The following JADE2 variants were observed in gnomAD, a reference collection of about 807,000 sequenced individuals.
JADE2 encodes E3 ubiquitin-protein ligase Jade-2.
In JADE2, 13 loss-of-function variants were observed where a neutral mutation model predicts 85.7. That is an observed-to-expected ratio of 0.15 (90% CI 0.10 to 0.24). The LOEUF (loss-of-function observed/expected upper bound fraction) is 0.24. Ranked by LOEUF, JADE2 falls within the 10% of genes least tolerant of loss-of-function variation. The probability of loss-of-function intolerance (pLI) is 1.00; values close to 1 mark genes in which losing one functional copy is unlikely to be tolerated. For synonymous variants in JADE2, 440 were observed against 456.1 expected, an observed-to-expected ratio of 0.96 and a Z score of 0.45; for missense variants, 846 against 1,115.9, an observed-to-expected ratio of 0.76 and a Z score of 3.45.
chr5:134,563,314 T>TG (rs749834913), intron 7 of JADE2, among the ~76,000 whole-genome samples: 10 of 140,260 alleles, frequency 7.1e-5, no homozygotes, highest in Admixed American at 1.4e-4. Context: ...TGAGACTGTT[T>TG]AAAAAAAAAA....
At position 134,579,428 on chromosome 5, in the gene JADE2, C is replaced by A; in HGVS notation, c.*111C>A. The stretch of plus-strand genomic sequence containing the variant: ...GAGTGTCCCAGACCCTCGAGGCTGC[C>A]ACTCCGTCGTGGTTTTATTTTTAAT... On this transcript the variant is annotated 3_prime_UTR_variant, in exon 12 of 12. Transcript: ENST00000681547. The surrounding 1 kb of genome is among the most constrained non-coding windows in gnomAD (Gnocchi z 4.6). 1.2e-6 allele frequency: 1 copy of A among 803,070 alleles called. No homozygotes were observed. The highest frequency in any genetic ancestry group is 1.9e-6 in the Non-Finnish European group (1 of 522,080). The allele number at this position is 803,070 out of a possible 1,614,324, so 49.7% of individuals were successfully genotyped here. A position where few individuals can be genotyped will look rare whatever the true frequency, so the allele number is the denominator to read the frequency against.
chr5:134,566,571 C>T lies in JADE2; in HGVS notation c.1425C>T (p.Asp475=). 2 of 1,556,266 alleles carry T rather than the reference C, an allele frequency of 1.3e-6. No homozygotes were observed. Among genetic ancestry groups the T allele is most frequent in the Non-Finnish European group, 1.7e-6 (2 of 1,149,238 alleles). The change falls in exon 9 of 12, where the codon GAC becomes GAT. Residue 475 remains aspartate, a synonymous_variant. Transcript: ENST00000681547. The surrounding 1 kb of genome is among the most constrained non-coding windows in gnomAD (Gnocchi z 6.7). The part of the protein sequence containing the change: ...RLKLFTHLRQ[D]LERVRNLCYM... The stretch of plus-strand genomic sequence containing the variant: ...AGCTCTTCACCCATCTGCGGCAGGA[C>T]CTAGAGAGGGTGAGTCCCCATGCCG...
intron 1 of JADE2, among the ~76,000 whole-genome samples, chr5:134,527,369 T>A (rs1361382554): frequency 6.6e-6 from 1 of 151,368 alleles, no homozygotes; most frequent in Non-Finnish European, 1.5e-5. Context: ...ACGAGAGGGG[T>A]CAACTTGGCG....
rs1399930250 is a variant in JADE2, at chr5:134,580,624, C to T, written c.*1307C>T. On this transcript the variant is annotated 3_prime_UTR_variant, in exon 12 of 12. Coordinates refer to ENST00000681547, the MANE Select transcript of JADE2 (RefSeq NM_001388185.1). ...GGGTCACTTCCACCACTGGTAAAGC[C>T]AGAACTTCTCCAAAAAGAACCTTGC... 6.6e-6 allele frequency: 1 copy of T among 152,138 alleles called. No individual in the cohort carries two copies. Among genetic ancestry groups the T allele is most frequent in the African/African-American group, 2.4e-5 (1 of 41,320 alleles). The allele number at this position is 152,138 out of a possible 1,614,324, so 9.4% of individuals were successfully genotyped here.
chr5:134,524,366 G>A (rs1760684568), upstream of JADE2: 1 of 152,526 alleles, frequency 6.6e-6, no homozygotes, highest in South Asian at 2.1e-4. Flanking sequence ...CCGCCCGCCT[G>A]GCGAGCGCAG....
In JADE2 at chr5:134,582,096, C is replaced by A. The variant is rs1764740303; in HGVS notation, c.*2779C>A. The stretch of plus-strand genomic sequence containing the variant: ...CAGGGAAGGAGAAGCTGCTCTGTAA[C>A]TCATTCTGGCTATCGTCCCCCTTCT... On this transcript the variant is annotated 3_prime_UTR_variant, in exon 12 of 12. Transcript: ENST00000681547. 1 of 152,262 alleles carries A rather than the reference C, an allele frequency of 6.6e-6. No homozygotes were observed. The highest frequency in any genetic ancestry group is 6.5e-5 in the Admixed American group (1 of 15,282). The allele number at this position is 152,262 out of a possible 1,614,324, so 9.4% of individuals were successfully genotyped here. A position where few individuals can be genotyped will look rare whatever the true frequency, so the allele number is the denominator to read the frequency against.
rs1288941836 is a variant in JADE2 at position 134,525,997 on chromosome 5, G to A, written c.-15G>A. 1.3e-5 allele frequency: 13 copies of A among 985,408 alleles called. No individual in the cohort carries two copies. The highest frequency in any genetic ancestry group is 1.7e-5 in the African/African-American group (1 of 57,224). The allele number at this position is 985,408 out of a possible 1,614,324, so 61.0% of individuals were successfully genotyped here. ...GCCGAGGGCAGCGCCCGTCAGGGGGGCACCGCGGAGCAAGGTAAGATCCAG... is the reference window on the plus strand; with the variant it reads ...GCCGAGGGCAGCGCCCGTCAGGGGGACACCGCGGAGCAAGGTAAGATCCAG... On this transcript the variant is annotated 5_prime_UTR_variant, in exon 1 of 12. Coordinates refer to ENST00000681547, the MANE Select transcript of JADE2 (RefSeq NM_001388185.1).
chr5:134,539,523 T>C (rs1581406720), intron 3 of JADE2, among the ~76,000 whole-genome samples: 1 of 152,226 alleles, frequency 6.6e-6, no homozygotes, highest in Non-Finnish European at 1.5e-5. Flanking sequence ...AGTAGGACAC[T>C]GTACTACAGC....
At chr5:134,527,153 C>CCCCGG (rs1760897251) in intron 1 of JADE2, among the ~76,000 whole-genome samples, 1 of 148,872 alleles carries the variant, frequency 6.7e-6, no homozygotes, top group African/African-American at 2.5e-5. Context: ...TTTGCCGGAT[C>CCCCGG]CCCGGCCCCG....
chr5:134,539,172 C>T (rs1761803112), intron 3 of JADE2, among the ~76,000 whole-genome samples: 1 of 151,976 alleles, frequency 6.6e-6, no homozygotes, highest in South Asian at 2.1e-4. Flanking sequence ...CGCCATTCTC[C>T]TGCCTCAGCC....
chr5:134,524,310 G>C (rs1240827477), upstream of JADE2: 1 of 152,306 alleles, frequency 6.6e-6, no homozygotes, highest in Non-Finnish European at 1.5e-5. Flanking sequence ...CGCGGCTCCG[G>C]GAACAGACCC....
At chr5:134,576,287 T>C (rs1764360948) in intron 10 of JADE2, among the ~76,000 whole-genome samples, 1 of 151,966 alleles carries the variant, frequency 6.6e-6, no homozygotes, top group Non-Finnish European at 1.5e-5. Flanking sequence ...CCCATCTAGT[T>C]TGCTGCCTGA....
intron 6 of JADE2, 75 bp downstream of exon 6, chr5:134,561,032 C>T (rs1314941881): frequency 3.1e-6 from 4 of 1,290,658 alleles, no homozygotes; most frequent in Non-Finnish European, 4.4e-6. Context: ...CCACTTGGCT[C>T]TCCAGGGGCA....
chr5:134,580,454 G>A lies in JADE2; in HGVS notation c.*1137G>A, dbSNP rs1309059000. 5 of 20,022 alleles carry A rather than the reference G, an allele frequency of 2.5e-4. No homozygotes were observed. Among genetic ancestry groups the A allele is most frequent in the East Asian group, 1.2e-3 (1 of 836 alleles). The allele number at this position is 20,022 out of a possible 1,614,324, so 1.2% of individuals were successfully genotyped here. ...CCCCCCCGTCCTGCCATCCCCCCCCGCCGTCCTGCCTTCCCCACCCCACCC... is the reference window on the plus strand; with the variant it reads ...CCCCCCCGTCCTGCCATCCCCCCCCACCGTCCTGCCTTCCCCACCCCACCC... On this transcript the variant is annotated 3_prime_UTR_variant, in exon 12 of 12. Coordinates refer to ENST00000681547, the MANE Select transcript of JADE2 (RefSeq NM_001388185.1).
At chr5:134,545,253 C>T (rs777320614) in intron 3 of JADE2, among the ~76,000 whole-genome samples, 2 of 152,164 alleles carry the variant, frequency 1.3e-5, no homozygotes, top group South Asian at 2.1e-4. Context: ...GGGGCAGGAT[C>T]CACTTCTATA....
At chr5:134,557,014 C>T (rs868307980) in intron 4 of JADE2, among the ~76,000 whole-genome samples, 2 of 143,726 alleles carry the variant, frequency 1.4e-5, no homozygotes, top group African/African-American at 5.1e-5. Flanking sequence ...CACACACACA[C>T]ATCACACAGC....
At chr5:134,564,349 T>G in intron 7 of JADE2, 145 bp from the exon 8 acceptor site, 1 of 551,556 alleles carries the variant, frequency 1.8e-6, no homozygotes, top group Non-Finnish European at 3.3e-6. Flanking sequence ...GCTTGTTTGG[T>G]GTCAGGAGGG....
intron 1 of JADE2, among the ~76,000 whole-genome samples, chr5:134,528,994 C>T (rs1161382119): frequency 6.6e-6 from 1 of 152,192 alleles, no homozygotes; most frequent in Non-Finnish European, 1.5e-5. Context: ...GTCCCCAGGT[C>T]CTAGATGCAC....
intron 4 of JADE2, among the ~76,000 whole-genome samples, chr5:134,556,529 C>T (rs1762938098): frequency 1.1e-5 from 1 of 89,318 alleles, no homozygotes; most frequent in Non-Finnish European, 2.2e-5. Flanking sequence ...AACACATACA[C>T]ACACACCACA....
Sources: allele counts gnomAD v4.1 joint callset (sites outside exome capture counted in the v4.1 genomes callset), GRCh38; gene constraint gnomAD v4.1.1; non-coding constraint Gnocchi (gnomAD v3.1); transcripts MANE v1.5; gene names NCBI Gene and HGNC (gene_info 2026-07-23, HGNC 2026-07-21).